The following SRGAP2 variants were observed in gnomAD, a reference collection of about 807,000 sequenced individuals.
SRGAP2 encodes SLIT-ROBO Rho GTPase-activating protein 2.
In SRGAP2, 15 loss-of-function variants were observed where a neutral mutation model predicts 57.2. That is an observed-to-expected ratio of 0.26 (90% confidence interval 0.18 to 0.40). The LOEUF (loss-of-function observed/expected upper bound fraction) is 0.40, where lower values mean the gene tolerates loss of function less well. SRGAP2 is among the 10% of genes least tolerant of loss of function. The pLI, the probability that SRGAP2 is intolerant of heterozygous loss-of-function variation, is 1.00. For synonymous variants in SRGAP2, 249 were observed against 248.0 expected, an observed-to-expected ratio of 1.00 and a Z score of -0.04; for missense variants, 520 against 669.6, an observed-to-expected ratio of 0.78 and a Z score of 2.47.
At chr1:206,295,305 C>T (rs1355570156) in intron 2 of SRGAP2, among the ~76,000 whole-genome samples, 2 of 152,028 alleles carry the variant, frequency 1.3e-5, no homozygotes, top group Non-Finnish European at 2.9e-5. Flanking sequence ...CTCACTGTAA[C>T]CTCTGCCTCC....
At chr1:206,431,352 G>C (rs968880521) in intron 14 of SRGAP2, among the ~76,000 whole-genome samples, 1 of 152,160 alleles carries the variant, frequency 6.6e-6, no homozygotes, top group Non-Finnish European at 1.5e-5. Context: ...GTCTTTAAGT[G>C]GTTTTGTGAT....
chr1:206,437,380 T>C (rs1257587414), intron 15 of SRGAP2, among the ~76,000 whole-genome samples: 8 of 152,236 alleles, frequency 5.3e-5, no homozygotes, highest in Non-Finnish European at 7.3e-5. Flanking sequence ...CGCTTGTTCA[T>C]TGTAGCCCAT....
chr1:206,411,801 CT>C, intron 10 of SRGAP2, among the ~76,000 whole-genome samples: 1 of 152,300 alleles, frequency 6.6e-6, no homozygotes, highest in Non-Finnish European at 1.5e-5. Context: ...CCTCTTACTA[CT>C]TTTTTAAGGC....
intron 13 of SRGAP2, among the ~76,000 whole-genome samples, chr1:206,425,874 T>G (rs1660752808): frequency 1.3e-5 from 2 of 150,226 alleles, no homozygotes; most frequent in Admixed American, 1.3e-4. Context: ...GAGATGGAGT[T>G]TCACTCTTGT....
At chr1:206,342,103 A>G (rs1188619288) in intron 3 of SRGAP2, among the ~76,000 whole-genome samples, 2 of 152,148 alleles carry the variant, frequency 1.3e-5, no homozygotes, top group Non-Finnish European at 2.9e-5. Flanking sequence ...TCTTGATTGT[A>G]TGGGACATGA....
intron 2 of SRGAP2, among the ~76,000 whole-genome samples, chr1:206,281,869 G>A (rs1202268415): frequency 1.0e-4 from 14 of 135,670 alleles, no homozygotes; most frequent in South Asian, 4.5e-4. Flanking sequence ...AGCAGAGATC[G>A]CACCACTGCA....
intron 3 of SRGAP2, among the ~76,000 whole-genome samples, chr1:206,332,737 C>A (rs1674457648): frequency 6.6e-6 from 1 of 151,628 alleles, no homozygotes; most frequent in Non-Finnish European, 1.5e-5. Flanking sequence ...TTTTCAACTT[C>A]TTTGCCTTTG....
At chr1:206,389,378 C>T (rs1171363756) in intron 5 of SRGAP2, among the ~76,000 whole-genome samples, 8 of 151,862 alleles carry the variant, frequency 5.3e-5, no homozygotes, top group Non-Finnish European at 1.0e-4. Flanking sequence ...GGGGTTTCAT[C>T]GTGTTAGCCA....
intron 4 of SRGAP2, among the ~76,000 whole-genome samples, chr1:206,383,396 G>A (rs1452038935): frequency 6.6e-6 from 1 of 151,592 alleles, no homozygotes; most frequent in East Asian, 1.9e-4. Flanking sequence ...GAACCCAGGA[G>A]CCATCACTGC....
chr1:206,342,156 T>C (rs1325305147), intron 3 of SRGAP2, among the ~76,000 whole-genome samples: 47 of 152,152 alleles, frequency 3.1e-4, no homozygotes, highest in African/African-American at 1.1e-3. Flanking sequence ...CTTAGATGTG[T>C]TCTGTGGAAC....
intron 2 of SRGAP2, among the ~76,000 whole-genome samples, chr1:206,230,164 A>G (rs1667542706): frequency 6.6e-6 from 1 of 152,110 alleles, no homozygotes; most frequent in Non-Finnish European, 1.5e-5. Context: ...ATCAATCAAA[A>G]TGTTTCTACT....
intron 21 of SRGAP2, 108 bp downstream of exon 21, chr1:206,455,132 G>A (rs1215424348): frequency 2.6e-6 from 2 of 764,542 alleles, no homozygotes; most frequent in Non-Finnish European, 4.8e-6. Flanking sequence ...AGGGCTCCCA[G>A]CTCCCCCAGC....
At chr1:206,314,686 T>G (rs1558299719) in intron 3 of SRGAP2, among the ~76,000 whole-genome samples, 1 of 152,136 alleles carries the variant, frequency 6.6e-6, no homozygotes, top group Non-Finnish European at 1.5e-5. Flanking sequence ...ATAGTAAGGG[T>G]TTAGAAGAAC....
Position 206,427,447 on chromosome 1 carries a change from C to T in SRGAP2, c.1495-2715C>T, listed in dbSNP as rs189796636. 8.8e-4 allele frequency among the ~76,000 whole-genome samples: 134 copies of T among 152,232 alleles called. 1 individual carries two copies. Among genetic ancestry groups the T allele is most frequent in the Admixed American group, 2.1e-3 (32 of 15,256 alleles). ...GGGTCATGAAGATGAGCATTTGGGT[C>T]GCTGCGACCGTCCTGACACCAGCTC... On this transcript the variant is annotated intron_variant, in intron 13 of 22. Coordinates refer to ENST00000573034, the MANE Select transcript of SRGAP2 (RefSeq NM_015326.5).
At chr1:206,306,917 A>G (rs1276347461) in intron 3 of SRGAP2, among the ~76,000 whole-genome samples, 8 of 142,144 alleles carry the variant, frequency 5.6e-5, no homozygotes, top group African/African-American at 1.6e-4. Flanking sequence ...GGTTCTCCAC[A>G]TCCTCACCAG....
chr1:206,229,521 G>C (rs1427937798), intron 2 of SRGAP2, among the ~76,000 whole-genome samples: 1 of 152,166 alleles, frequency 6.6e-6, no homozygotes, highest in African/African-American at 2.4e-5. Flanking sequence ...GCTGTCAAAA[G>C]GCCACTGAAT....
chr1:206,234,616 C>G, intron 2 of SRGAP2, among the ~76,000 whole-genome samples: 3 of 152,338 alleles, frequency 2.0e-5, no homozygotes, highest in Admixed American at 2.0e-4. Flanking sequence ...CCCCATGTGA[C>G]AGTGCTGCAT....
chr1:206,319,267 C>T (rs1281370255), intron 3 of SRGAP2, among the ~76,000 whole-genome samples: 6 of 147,442 alleles, frequency 4.1e-5, no homozygotes, highest in African/African-American at 1.3e-4. Context: ...AAAAATTATC[C>T]GGGTGTGGTG....
At chr1:206,357,768 A>G (rs1553339693) in intron 4 of SRGAP2, among the ~76,000 whole-genome samples, 1 of 145,702 alleles carries the variant, frequency 6.9e-6, no homozygotes, top group Non-Finnish European at 1.5e-5. Flanking sequence ...GTGTTTTTTT[A>G]GTAGAGGTGG....
Sources: allele counts gnomAD v4.1 joint callset (sites outside exome capture counted in the v4.1 genomes callset), GRCh38; gene constraint gnomAD v4.1.1; transcripts MANE v1.5; gene names NCBI Gene and HGNC (gene_info 2026-07-23, HGNC 2026-07-21).